Variants in NAPB observed in about 807,000 individuals in gnomAD.
NAPB encodes beta-soluble NSF attachment protein.
In NAPB, 26 loss-of-function variants were observed where a neutral mutation model predicts 44.7. The ratio of observed to expected loss-of-function variants is 0.58; its 90% confidence interval spans 0.43 to 0.81. The LOEUF (loss-of-function observed/expected upper bound fraction) is 0.81, where lower values mean the gene tolerates loss of function less well. NAPB is among the 30% of genes least tolerant of loss of function. The probability of loss-of-function intolerance (pLI) is 0.00; values close to 1 mark genes in which losing one functional copy is unlikely to be tolerated. For missense variants in NAPB, 315 were observed against 356.4 expected (o/e 0.88, Z 0.94); for synonymous variants, 120 against 116.8 (o/e 1.03, Z -0.18).
chr20:23,388,101 T>G (rs1275661091), intron 7 of NAPB, among the ~76,000 whole-genome samples: 1 of 152,198 alleles, frequency 6.6e-6, no homozygotes, highest in African/African-American at 2.4e-5. Context: ...AATTACATCA[T>G]CAACTCTCCT....
intron 2 of NAPB, 120 bp downstream of exon 2, chr20:23,402,873 A>G: frequency 1.4e-6 from 1 of 705,330 alleles, no homozygotes; most frequent in Non-Finnish European, 2.4e-6. Flanking sequence ...TCAGTTATTC[A>G]GCACTGACAT....
chr20:23,397,224 A>G, intron 2 of NAPB, 36 bp from the exon 3 acceptor site: 1 of 1,589,198 alleles, frequency 6.3e-7, no homozygotes, highest in African/African-American at 1.3e-5. Context: ...CAGAGGAACA[A>G]GTCCCCCCCA....
At chr20:23,400,199 A>G (rs1568614326) in intron 2 of NAPB, among the ~76,000 whole-genome samples, 1 of 152,172 alleles carries the variant, frequency 6.6e-6, no homozygotes, top group Non-Finnish European at 1.5e-5. Context: ...CCAATCACTG[A>G]CAGCAAATGC....
chr20:23,413,033 T>C (rs1985767472), intron 1 of NAPB, among the ~76,000 whole-genome samples: 3 of 151,834 alleles, frequency 2.0e-5, no homozygotes, highest in South Asian at 4.2e-4. Flanking sequence ...AGGTGGCTCA[T>C]GCCTATGATC....
chr20:23,405,821 G>A (rs921163038), intron 1 of NAPB, among the ~76,000 whole-genome samples: 1 of 152,194 alleles, frequency 6.6e-6, no homozygotes, highest in Non-Finnish European at 1.5e-5. Flanking sequence ...GAATATTAAT[G>A]CGCAATATGA....
intron 4 of NAPB, 33 bp from the exon 5 acceptor site, chr20:23,395,032 G>A (rs989903840): frequency 3.7e-6 from 6 of 1,612,668 alleles, no homozygotes; most frequent in Middle Eastern, 1.7e-4. Flanking sequence ...GTCACACACC[G>A]ATTTTACCTA....
intron 8 of NAPB, among the ~76,000 whole-genome samples, chr20:23,380,431 C>G (rs1193916900): frequency 6.6e-6 from 1 of 152,196 alleles, no homozygotes; most frequent in Non-Finnish European, 1.5e-5. Context: ...AGTCCTCACT[C>G]CAACACCATT....
chr20:23,379,978 A>G (rs1404482414), intron 8 of NAPB, 43 bp from the exon 9 acceptor site: 7 of 1,525,430 alleles, frequency 4.6e-6, no homozygotes, highest in Non-Finnish European at 6.4e-6. Context: ...CTTACTAAAC[A>G]AACAAAGCTT....
At position 23,374,842 on chromosome 20, in the gene NAPB, AAAAG is replaced by A. The variant is rs1174935152; in HGVS notation, c.*2530_*2533del. ...ATACTGCTTTCAAATCATTAAATAAAAAAGAACTCACACAAGCTATAAAAATGTT... is the reference window on the plus strand; with the variant it reads ...ATACTGCTTTCAAATCATTAAATAAAAACTCACACAAGCTATAAAAATGTT... On this transcript the variant is annotated 3_prime_UTR_variant, in exon 11 of 11. Coordinates refer to ENST00000377026, the MANE Select transcript of NAPB (RefSeq NM_022080.3). The A allele has an allele frequency of 6.6e-6, 1 of 152,428 alleles. No individual in the cohort carries two copies. The highest frequency in any genetic ancestry group is 6.5e-5 in the Admixed American group (1 of 15,290). 9.4% of individuals were successfully genotyped at this position (152,428 alleles called of 1,614,324 possible).
At chr20:23,380,315 C>G (rs1232065768) in intron 8 of NAPB, among the ~76,000 whole-genome samples, 1 of 152,190 alleles carries the variant, frequency 6.6e-6, no homozygotes, top group Non-Finnish European at 1.5e-5. Flanking sequence ...GTTTCTCTTA[C>G]TGGCTTTAGT....
intron 5 of NAPB, among the ~76,000 whole-genome samples, chr20:23,391,648 G>A (rs1466146654): frequency 6.6e-6 from 1 of 152,178 alleles, no homozygotes; most frequent in Non-Finnish European, 1.5e-5. Context: ...CTCTCTTGTG[G>A]TAGCATAAAA....
At chr20:23,404,110 C>T (rs968545781) in intron 1 of NAPB, among the ~76,000 whole-genome samples, 5 of 152,212 alleles carry the variant, frequency 3.3e-5, no homozygotes, top group Non-Finnish European at 7.3e-5. Flanking sequence ...TTTCTTCTCA[C>T]ATAAAAGCCA....
chr20:23,380,000 T>G, intron 8 of NAPB, 65 bp from the exon 9 acceptor site: 1 of 1,344,034 alleles, frequency 7.4e-7, no homozygotes, highest in Non-Finnish European at 1.1e-6. Context: ...CAACATTCTA[T>G]CAGCTTCAAA....
chr20:23,390,471 C>T (rs1214652322), intron 5 of NAPB, among the ~76,000 whole-genome samples: 1 of 152,248 alleles, frequency 6.6e-6, no homozygotes, highest in Non-Finnish European at 1.5e-5. Flanking sequence ...TCCCCCTCCC[C>T]ACATGGCATA....
At position 23,383,128 on chromosome 20, in the gene NAPB, G is replaced by T. The variant is rs111505155; in HGVS notation, c.562-1811C>A. 2.2e-5 allele frequency among the ~76,000 whole-genome samples: 3 copies of T among 139,246 alleles called. No homozygotes were observed. The Admixed American group carries it at 2.3e-4, about 11-fold the overall frequency. 91.4% of individuals were successfully genotyped at this position (139,246 alleles called of 152,430 possible). A position where few individuals can be genotyped will look rare whatever the true frequency, so the allele number is the denominator to read the frequency against. ...CAAGATTGCGCCATTAAACTGGCAC[G>T]CCTGGGCGACAGAGCAAGACTCGGT... is the stretch of plus-strand genomic sequence containing the variant. On this transcript the variant is annotated intron_variant, in intron 7 of 10. Coordinates refer to ENST00000377026, the MANE Select transcript of NAPB (RefSeq NM_022080.3).
Position 23,402,874 on chromosome 20 carries a change from G to C in NAPB, c.178+119C>G, listed in dbSNP as rs578154624. 12 of 716,452 alleles carry C rather than the reference G, an allele frequency of 1.7e-5. No homozygotes were observed. The East Asian group carries it at 3.2e-4, about 19-fold the overall frequency. The allele number at this position is 716,452 out of a possible 1,614,324, so 44.4% of individuals were successfully genotyped here. On this transcript the variant is annotated intron_variant, in intron 2 of 10. Transcript: ENST00000377026. ...CAGTAGCAGCCACATCAGTTATTCA[G>C]CACTGACATCTGTCTCTGGGGCCAA...
At position 23,403,992 on chromosome 20, in the gene NAPB, C is replaced by A. The variant is rs80244375; in HGVS notation, c.99-920G>T. Among the ~76,000 whole-genome samples the A allele has an allele frequency of 6.1e-3, 923 of 152,260 alleles. 22 individuals carry two copies. The East Asian group carries it at 0.093, about 15-fold the overall frequency. On this transcript the variant is annotated intron_variant, in intron 1 of 10. Coordinates refer to ENST00000377026, the MANE Select transcript of NAPB (RefSeq NM_022080.3). ...ACACCCTGAGAAATGCATTTTACAA[C>A]ACCCTGAGAGAAGGGTACCTCCACT...
intron 1 of NAPB, among the ~76,000 whole-genome samples, chr20:23,419,106 T>G (rs946608950): frequency 6.6e-6 from 1 of 152,236 alleles, no homozygotes; most frequent in African/African-American, 2.4e-5. Flanking sequence ...TGGTTCCAAA[T>G]GTTTTATAAA....
rs369194917 is a variant in NAPB at position 23,375,060 on chromosome 20, C to T, written c.*2316G>A. Reference sequence around the variant, plus strand: ...ATGGCACTGTCCTACATCCATGGGACATTTAAAGGAAGTAAGTTTGCACAC... The same window carrying T: ...ATGGCACTGTCCTACATCCATGGGATATTTAAAGGAAGTAAGTTTGCACAC... On this transcript the variant is annotated 3_prime_UTR_variant, in exon 11 of 11. Transcript: ENST00000377026. The T allele has an allele frequency of 6.6e-6, 1 of 152,174 alleles. No individual in the cohort carries two copies. Among genetic ancestry groups the T allele is most frequent in the East Asian group, 1.9e-4 (1 of 5,194 alleles). The allele number at this position is 152,174 out of a possible 1,614,324, so 9.4% of individuals were successfully genotyped here.
Sources: gnomAD v4.1 joint callset for allele counts (sites outside exome capture counted in the v4.1 genomes callset) on GRCh38, gnomAD v4.1.1 for gene constraint, MANE v1.5 for transcripts, NCBI Gene and HGNC (gene_info 2026-07-23, HGNC 2026-07-21) for gene names.